NCAM2: variants seen among roughly 807,000 people sequenced by gnomAD.
NCAM2 encodes the protein neural cell adhesion molecule 2.
A neutral mutation model predicts 98.1 loss-of-function variants in NCAM2; 30 were observed. That is an observed-to-expected ratio of 0.31 (90% CI 0.23 to 0.41). The LOEUF (loss-of-function observed/expected upper bound fraction) is 0.41, where lower values mean the gene tolerates loss of function less well. NCAM2 is among the 10% of genes least tolerant of loss of function. The probability of loss-of-function intolerance (pLI) is 1.00; values close to 1 mark genes in which losing one functional copy is unlikely to be tolerated. For synonymous variants in NCAM2, 368 were observed against 342.4 expected (o/e 1.07, Z -0.83); for missense variants, 867 against 1,005.8 (o/e 0.86, Z 1.87).
At chr21:21,296,101 G>A (rs957180473) in intron 5 of NCAM2, among the ~76,000 whole-genome samples, 2 of 151,756 alleles carry the variant, frequency 1.3e-5, no homozygotes, top group Non-Finnish European at 2.9e-5. Flanking sequence ...ACTATATTGT[G>A]CTTGGACTAC....
chr21:21,452,987 AT>A (rs1981507913), intron 12 of NCAM2, among the ~76,000 whole-genome samples: 2 of 91,902 alleles, frequency 2.2e-5, no homozygotes, highest in South Asian at 6.0e-4. Flanking sequence ...TATATTATAT[AT>A]TATATTATAT....
chr21:21,081,217 C>T (rs1365537983), intron 1 of NCAM2, among the ~76,000 whole-genome samples: 1 of 152,104 alleles, frequency 6.6e-6, no homozygotes, highest in Non-Finnish European at 1.5e-5. Context: ...GGTCATTTAC[C>T]AGTTAAATTC....
chr21:21,432,333 T>A (rs560211242), intron 12 of NCAM2, 52 bp downstream of exon 12: 1 of 1,528,858 alleles, frequency 6.5e-7, no homozygotes, highest in South Asian at 1.2e-5. Context: ...ATCTTCAGTA[T>A]ACCTGTATGA....
intron 1 of NCAM2, among the ~76,000 whole-genome samples, chr21:21,142,535 G>C (rs4818604): frequency 0.68 from 103,221 of 151,222 alleles, 35,271 homozygotes; most frequent in East Asian, 0.87. Flanking sequence ...TCCGCCACCA[G>C]GCCTGGCTAA....
chr21:21,135,211 A>C (rs1052651373), intron 1 of NCAM2, among the ~76,000 whole-genome samples: 2 of 141,702 alleles, frequency 1.4e-5, no homozygotes, highest in African/African-American at 5.2e-5. Context: ...GCGCCACTGC[A>C]CTCCAGTCTG....
At chr21:21,047,559 G>T (rs1280938791) in intron 1 of NCAM2, among the ~76,000 whole-genome samples, 2 of 152,166 alleles carry the variant, frequency 1.3e-5, no homozygotes, top group African/African-American at 4.8e-5. Context: ...ATTGAATATG[G>T]TGTGGAAGCT....
chr21:21,230,287 G>GT (rs2070568598), intron 1 of NCAM2, among the ~76,000 whole-genome samples: 1 of 151,106 alleles, frequency 6.6e-6, no homozygotes, highest in African/African-American at 2.4e-5. Flanking sequence ...CTTCTTTTAA[G>GT]TTTTTTAAAA....
intron 1 of NCAM2, among the ~76,000 whole-genome samples, chr21:21,056,623 T>C (rs1180890501): frequency 6.6e-6 from 1 of 151,184 alleles, no homozygotes; most frequent in Admixed American, 6.6e-5. Flanking sequence ...TTACTTCTCC[T>C]AAAGAAAAAA....
chr21:21,017,348 C>T (rs907334711), intron 1 of NCAM2, among the ~76,000 whole-genome samples: 1 of 137,158 alleles, frequency 7.3e-6, no homozygotes, highest in Non-Finnish European at 1.5e-5. Flanking sequence ...ATCACTTGAA[C>T]CCAGGAGGTG....
intron 5 of NCAM2, among the ~76,000 whole-genome samples, chr21:21,314,318 TG>T (rs1173913431): frequency 7.2e-5 from 11 of 152,140 alleles, no homozygotes; most frequent in African/African-American, 2.4e-4. Flanking sequence ...TTATAAATTT[TG>T]TTTCATTTCC....
At chr21:21,197,638 T>C (rs1459139687) in intron 1 of NCAM2, among the ~76,000 whole-genome samples, 1 of 152,232 alleles carries the variant, frequency 6.6e-6, no homozygotes, top group Non-Finnish European at 1.5e-5. Flanking sequence ...ACACGTTGCA[T>C]TTTCTGTCTA....
At chr21:21,260,224 A>T (rs1449901295) in intron 1 of NCAM2, among the ~76,000 whole-genome samples, 1 of 152,052 alleles carries the variant, frequency 6.6e-6, no homozygotes, top group Admixed American at 6.6e-5. Flanking sequence ...CCCACGACTT[A>T]TTGGCATTCC....
At chr21:21,046,748 G>A (rs1228599818) in intron 1 of NCAM2, among the ~76,000 whole-genome samples, 7 of 151,960 alleles carry the variant, frequency 4.6e-5, no homozygotes, top group Admixed American at 4.6e-4. Flanking sequence ...GTTTTGTTTT[G>A]TTTTGTTTTT....
intron 6 of NCAM2, among the ~76,000 whole-genome samples, chr21:21,333,778 C>T (rs998809229): frequency 4.6e-5 from 7 of 151,836 alleles, no homozygotes; most frequent in African/African-American, 1.7e-4. Context: ...TATTAGGAAA[C>T]AAATGAATAA....
chr21:21,421,277 T>A (rs942131349), intron 11 of NCAM2, among the ~76,000 whole-genome samples: 6 of 152,042 alleles, frequency 3.9e-5, no homozygotes, highest in Non-Finnish European at 7.4e-5. Flanking sequence ...TTGAAAAATA[T>A]ATTTGATTCC....
At chr21:21,468,989 A>G (rs1247443882) in intron 14 of NCAM2, among the ~76,000 whole-genome samples, 1 of 151,840 alleles carries the variant, frequency 6.6e-6, no homozygotes, top group Non-Finnish European at 1.5e-5. Context: ...AAGTATTCTC[A>G]TGGTTTTCAT....
chr21:21,001,392 G>A (rs750691823), intron 1 of NCAM2, among the ~76,000 whole-genome samples: 4 of 152,118 alleles, frequency 2.6e-5, no homozygotes, highest in Non-Finnish European at 5.9e-5. Flanking sequence ...TTATTGTGAA[G>A]TCTGAATTTA....
At chr21:21,518,603 A>G (rs1248539693) in intron 16 of NCAM2, among the ~76,000 whole-genome samples, 1 of 151,608 alleles carries the variant, frequency 6.6e-6, no homozygotes, top group Non-Finnish European at 1.5e-5. Context: ...AAAAACACAT[A>G]GAATAAATAT....
intron 1 of NCAM2, among the ~76,000 whole-genome samples, chr21:21,085,661 C>T (rs1306584890): frequency 6.6e-6 from 1 of 152,116 alleles, no homozygotes; most frequent in Non-Finnish European, 1.5e-5. Context: ...TGAGTGATTA[C>T]AGCTTTTTAA....
Sources: allele counts gnomAD v4.1 joint callset (sites outside exome capture counted in the v4.1 genomes callset), GRCh38; gene constraint gnomAD v4.1.1; transcripts MANE v1.5; gene names NCBI Gene and HGNC (gene_info 2026-07-23, HGNC 2026-07-21).